Variants in LRRC4C observed in about 807,000 individuals in gnomAD.
The protein encoded by LRRC4C is leucine rich repeat containing 4C, also known as leucine-rich repeat-containing protein 4C.
In LRRC4C, 5 loss-of-function variants were observed where a neutral mutation model predicts 33.6. The ratio of observed to expected loss-of-function variants is 0.15; its 90% CI spans 0.08 to 0.31. The LOEUF (loss-of-function observed/expected upper bound fraction) is 0.31. Ranked by LOEUF, LRRC4C falls within the 10% of genes least tolerant of loss-of-function variation. The probability of loss-of-function intolerance (pLI) is 1.00; values close to 1 mark genes in which losing one functional copy is unlikely to be tolerated. For synonymous variants in LRRC4C, 329 were observed against 302.0 expected (o/e 1.09, Z -0.93); for missense variants, 560 against 796.7 (o/e 0.70, Z 3.58).
chr11:41,011,937 T>C, intron 1 of LRRC4C, among the ~76,000 whole-genome samples: 1 of 128,574 alleles, frequency 7.8e-6, no homozygotes, highest in Non-Finnish European at 1.7e-5. Flanking sequence ...AACCTTTGCC[T>C]CCTGGGTTTT....
chr11:40,503,982 A>G (rs1258430510), intron 3 of LRRC4C, among the ~76,000 whole-genome samples: 1 of 152,136 alleles, frequency 6.6e-6, no homozygotes, highest in East Asian at 1.9e-4. Flanking sequence ...TTGAAGAGAA[A>G]AAAAGAGACA....
intron 1 of LRRC4C, among the ~76,000 whole-genome samples, chr11:41,265,239 C>G (rs997275351): frequency 5.9e-5 from 9 of 152,110 alleles, no homozygotes; most frequent in African/African-American, 1.7e-4. Context: ...TAATAACACT[C>G]TGACCTCAAG....
At position 40,658,112 on chromosome 11, in the gene LRRC4C, A is replaced by G. The variant is rs78110788; in HGVS notation, c.-406-9834T>C. Among the ~76,000 whole-genome samples the G allele has an allele frequency of 8.9e-3, 1,354 of 152,340 alleles. 25 individuals carry two copies. Among genetic ancestry groups the G allele is most frequent in the African/African-American group, 0.031 (1,307 of 41,574 alleles). ...ATTAAAATAAAGAATGTTATCTTAT[A>G]GTAAACATTAGATCAGGACACATAT... On this transcript the variant is annotated intron_variant, in intron 2 of 6. Transcript: ENST00000528697.
chr11:40,982,923 G>T (rs1469867970), intron 1 of LRRC4C, among the ~76,000 whole-genome samples: 1 of 152,096 alleles, frequency 6.6e-6, no homozygotes, highest in South Asian at 2.1e-4. Flanking sequence ...AACATGCCAT[G>T]TTTGGTTTTC....
intron 3 of LRRC4C, among the ~76,000 whole-genome samples, chr11:40,612,923 T>G (rs538783023): frequency 6.6e-6 from 1 of 152,038 alleles, no homozygotes; most frequent in East Asian, 1.9e-4. Context: ...GACTATATAG[T>G]AGTGTTTTAA....
intron 1 of LRRC4C, among the ~76,000 whole-genome samples, chr11:41,234,441 CATT>C (rs1947934078): frequency 6.6e-6 from 1 of 151,858 alleles, no homozygotes; most frequent in South Asian, 2.1e-4. Context: ...TAACTATAAT[CATT>C]ATGTTGTACA....
intron 1 of LRRC4C, among the ~76,000 whole-genome samples, chr11:41,018,602 T>C (rs1485625791): frequency 6.6e-6 from 1 of 152,196 alleles, no homozygotes; most frequent in African/African-American, 2.4e-5. Context: ...AATTCCTGTC[T>C]TCTCTATTGT....
intron 3 of LRRC4C, among the ~76,000 whole-genome samples, chr11:40,365,463 T>C (rs999284463): frequency 2.6e-4 from 39 of 152,028 alleles, no homozygotes; most frequent in Non-Finnish European, 5.4e-4. Flanking sequence ...TTTATTAAGT[T>C]CTGCCGGTTT....
intron 1 of LRRC4C, among the ~76,000 whole-genome samples, chr11:41,083,571 C>T (rs746945875): frequency 5.3e-5 from 8 of 152,244 alleles, no homozygotes; most frequent in East Asian, 3.9e-4. Flanking sequence ...GGAAGACCCA[C>T]GCTTTCTAAT....
At chr11:41,075,743 T>G (rs1179755005) in intron 1 of LRRC4C, among the ~76,000 whole-genome samples, 1 of 152,194 alleles carries the variant, frequency 6.6e-6, no homozygotes, top group East Asian at 1.9e-4. Flanking sequence ...TATCTGCCCT[T>G]AATTCCCTTA....
At chr11:41,067,968 A>C (rs776207221) in intron 1 of LRRC4C, among the ~76,000 whole-genome samples, 7 of 152,202 alleles carry the variant, frequency 4.6e-5, no homozygotes, top group African/African-American at 7.2e-5. Flanking sequence ...AAGATCTCCA[A>C]CTGACACCCT....
chr11:40,849,569 T>C (rs1953374646), intron 2 of LRRC4C, among the ~76,000 whole-genome samples: 1 of 151,816 alleles, frequency 6.6e-6, no homozygotes, highest in Non-Finnish European at 1.5e-5. Flanking sequence ...GCCCTTAACA[T>C]TTTTTTTCCC....
chr11:40,753,540 C>CTTTTT (rs34980126), intron 2 of LRRC4C, among the ~76,000 whole-genome samples: 1 of 129,718 alleles, frequency 7.7e-6, no homozygotes, highest in African/African-American at 2.8e-5. Flanking sequence ...CACAGAGGCA[C>CTTTTT]TTTTTTTTTT....
intron 3 of LRRC4C, among the ~76,000 whole-genome samples, chr11:40,448,443 C>A (rs1951737762): frequency 6.6e-6 from 1 of 151,924 alleles, no homozygotes; most frequent in South Asian, 2.1e-4. Flanking sequence ...ATATTCCCCT[C>A]CCTGTGTCCA....
At chr11:40,771,572 TATCATATTATCAGGCTGCA>T (rs1949759286) in intron 2 of LRRC4C, among the ~76,000 whole-genome samples, 1 of 152,192 alleles carries the variant, frequency 6.6e-6, no homozygotes, top group Non-Finnish European at 1.5e-5. Context: ...TTTGTTGTTT[TATCATATTATCAGGCTGCA>T]AATTTTCCAA....
At chr11:41,156,079 T>A (rs1944219284) in intron 1 of LRRC4C, among the ~76,000 whole-genome samples, 1 of 152,134 alleles carries the variant, frequency 6.6e-6, no homozygotes, top group Admixed American at 6.6e-5. Context: ...GAATCGATTC[T>A]TTGTAAAACC....
At chr11:40,904,366 A>G (rs1324950408) in intron 2 of LRRC4C, among the ~76,000 whole-genome samples, 1 of 152,180 alleles carries the variant, frequency 6.6e-6, no homozygotes, top group African/African-American at 2.4e-5. Flanking sequence ...TTCCTTATAC[A>G]TAGCAAATAA....
At chr11:40,884,217 T>C (rs73472685) in intron 2 of LRRC4C, among the ~76,000 whole-genome samples, 3,226 of 152,174 alleles carry the variant, frequency 0.021, 135 homozygotes, top group African/African-American at 0.071. Flanking sequence ...TACAGCTTCG[T>C]CCATTACCCT....
At chr11:40,164,323 C>T (rs1208319448) in intron 5 of LRRC4C, among the ~76,000 whole-genome samples, 2 of 152,208 alleles carry the variant, frequency 1.3e-5, no homozygotes, top group Non-Finnish European at 1.5e-5. Context: ...TCACTGCAAC[C>T]TCCACCTCAC....
Sources: allele counts gnomAD v4.1 joint callset (sites outside exome capture counted in the v4.1 genomes callset), GRCh38; gene constraint gnomAD v4.1.1; transcripts MANE v1.5; gene names NCBI Gene and HGNC (gene_info 2026-07-23, HGNC 2026-07-21).